Variants in RAPGEF4 observed in about 807,000 individuals in gnomAD.
The protein encoded by RAPGEF4 is Rap guanine nucleotide exchange factor 4.
Under a neutral mutation model 147.9 loss-of-function variants are expected in RAPGEF4, and 66 were observed. That is an observed-to-expected ratio of 0.45 (90% CI 0.37 to 0.55). The LOEUF (loss-of-function observed/expected upper bound fraction) is 0.55, where lower values mean the gene tolerates loss of function less well. Among genes scored for constraint, RAPGEF4 ranks in the 20% least tolerant of loss-of-function variants. RAPGEF4 has a pLI of 0.00. For synonymous variants in RAPGEF4, 419 were observed against 442.7 expected, an observed-to-expected ratio of 0.95 and a Z score of 0.67; for missense variants, 1,071 against 1,257.3, an observed-to-expected ratio of 0.85 and a Z score of 2.24.
At chr2:172,779,268 G>A (rs777968219) in intron 1 of RAPGEF4, among the ~76,000 whole-genome samples, 11 of 152,126 alleles carry the variant, frequency 7.2e-5, no homozygotes, top group African/African-American at 1.4e-4. Context: ...AAGCTGTTAC[G>A]TGCTTGGAAT....
chr2:172,919,877 C>T (rs555331050), intron 5 of RAPGEF4, among the ~76,000 whole-genome samples: 40 of 152,216 alleles, frequency 2.6e-4, no homozygotes, highest in Non-Finnish European at 5.0e-4. Flanking sequence ...CCTCCTTTCT[C>T]TCGCCATCAC....
intron 4 of RAPGEF4, among the ~76,000 whole-genome samples, chr2:172,874,882 A>G (rs964900226): frequency 2.6e-5 from 4 of 152,160 alleles, no homozygotes; most frequent in African/African-American, 7.2e-5. Flanking sequence ...AAGTGTTCCT[A>G]TTTCTCCACA....
chr2:172,982,990 G>T (rs1240485447), intron 10 of RAPGEF4, among the ~76,000 whole-genome samples: 17 of 152,064 alleles, frequency 1.1e-4, no homozygotes. Context: ...TCCTATATTT[G>T]AGTCCTTCGG....
Position 173,017,421 on chromosome 2 carries a change from T to C in RAPGEF4, c.1930-5T>C, listed in dbSNP as rs1559187989. On this transcript the variant is annotated splice_region_variant and splice_polypyrimidine_tract_variant and intron_variant, in intron 20 of 30. Transcript: ENST00000397081. ...TTATGGCACTTGCTGTGGTTGTTTTTACAGCACAAGGTTCTTTTGCAACAG... is the reference window on the plus strand; with the variant it reads ...TTATGGCACTTGCTGTGGTTGTTTTCACAGCACAAGGTTCTTTTGCAACAG... 6.2e-7 allele frequency: 1 copy of C among 1,613,866 alleles called. No homozygotes were observed.
At chr2:172,739,199 G>A (rs533832810) in intron 1 of RAPGEF4, among the ~76,000 whole-genome samples, 11 of 152,188 alleles carry the variant, frequency 7.2e-5, no homozygotes, top group African/African-American at 2.6e-4. Flanking sequence ...CTCAGCAGAT[G>A]TATTGTTAGA....
intron 14 of RAPGEF4, among the ~76,000 whole-genome samples, chr2:172,989,828 T>A (rs1692647218): frequency 6.6e-6 from 1 of 152,164 alleles, no homozygotes; most frequent in African/African-American, 2.4e-5. Context: ...TTAGCATCCC[T>A]ATCCCCTCCT....
intron 4 of RAPGEF4, among the ~76,000 whole-genome samples, chr2:172,897,306 G>A (rs1048056727): frequency 6.6e-6 from 1 of 152,066 alleles, no homozygotes; most frequent in African/African-American, 2.4e-5. Flanking sequence ...ATCCCAGTTA[G>A]TACTCTCCTG....
chr2:172,961,092 C>T (rs754970747), intron 7 of RAPGEF4, 30 bp from the exon 8 acceptor site: 21 of 1,455,458 alleles, frequency 1.4e-5, no homozygotes, highest in Non-Finnish European at 2.0e-5. Context: ...CTTCTTTCTC[C>T]TCCCCTCCTT....
In RAPGEF4 at chr2:173,030,181, A is replaced by G; in HGVS notation, c.2576A>G (p.Asn859Ser). The change falls in exon 26 of 31, where the codon AAT becomes AGT. Residue 859 changes from asparagine to serine, a missense_variant. By Grantham distance (46) the Asn-to-Ser change is conservative. Transcript: ENST00000397081. ...TGTTTCAGCTGTAAGGAGTATAAAAATCTGAATTCCTTTTTTGCCATCGTC... is the reference window on the plus strand; with the variant it reads ...TGTTTCAGCTGTAAGGAGTATAAAAGTCTGAATTCCTTTTTTGCCATCGTC... The part of the protein sequence containing the change: ...KIAAHCKEYK[N>S]LNSFFAIVMG... 6.2e-7 allele frequency: 1 copy of G among 1,612,862 alleles called. No individual in the cohort carries two copies. Among genetic ancestry groups the G allele is most frequent in the African/African-American group, 1.3e-5 (1 of 75,042 alleles).
At chr2:172,884,588 G>A in intron 4 of RAPGEF4, among the ~76,000 whole-genome samples, 1 of 152,154 alleles carries the variant, frequency 6.6e-6, no homozygotes, top group East Asian at 1.9e-4. Context: ...TTGTATTAAT[G>A]CCACACCTGT....
At chr2:172,925,777 AAGAG>A (rs67773579) in intron 6 of RAPGEF4, among the ~76,000 whole-genome samples, 42,391 of 133,478 alleles carry the variant, frequency 0.32, 7,166 homozygotes, top group Middle Eastern at 0.42. Flanking sequence ...GAAAGAAAGA[AAGAG>A]AGAGAGAGAG....
intron 15 of RAPGEF4, 52 bp from the exon 16 acceptor site, chr2:172,996,414 T>A (rs1693368400): frequency 2.7e-6 from 3 of 1,124,664 alleles, no homozygotes; most frequent in Non-Finnish European, 2.5e-6. Context: ...AAAGTTTTTT[T>A]AATGATTTGC....
At chr2:172,789,276 C>T (rs1232200734) in intron 1 of RAPGEF4, among the ~76,000 whole-genome samples, 3 of 152,196 alleles carry the variant, frequency 2.0e-5, no homozygotes, top group Admixed American at 6.5e-5. Context: ...TGCCATACAG[C>T]ATAACATAAT....
rs368162740 is a variant in RAPGEF4, at chr2:172,826,177, A to C, written c.444+11752A>C. Among the ~76,000 whole-genome samples, 70 of 152,310 alleles carry C rather than the reference A, an allele frequency of 4.6e-4. No homozygotes were observed. In the South Asian group the frequency reaches 0.015, roughly 32 times the overall value. ...TTGCCTCCATGCCATGCCCTCCCAC[A>C]AACATGCTTTAAGCTTTGGTCTGAG... On this transcript the variant is annotated intron_variant, in intron 4 of 30. Transcript: ENST00000397081.
intron 4 of RAPGEF4, among the ~76,000 whole-genome samples, chr2:172,846,181 A>G (rs542046015): frequency 2.6e-5 from 4 of 152,348 alleles, no homozygotes; most frequent in East Asian, 1.9e-4. Context: ...AACCACTGTC[A>G]TAATCTAGTT....
intron 1 of RAPGEF4, among the ~76,000 whole-genome samples, chr2:172,783,033 A>G (rs1684824749): frequency 6.6e-6 from 1 of 152,222 alleles, no homozygotes; most frequent in Non-Finnish European, 1.5e-5. Context: ...TAATTGTAAC[A>G]AGACAAATTG....
chr2:172,801,520 C>T (rs368715174), intron 3 of RAPGEF4, among the ~76,000 whole-genome samples: 6 of 152,064 alleles, frequency 3.9e-5, no homozygotes, highest in South Asian at 2.1e-4. Flanking sequence ...TGGCAATGGG[C>T]GCCTATGACA....
At chr2:172,785,017 GT>G (rs1280027154) in intron 1 of RAPGEF4, among the ~76,000 whole-genome samples, 1 of 152,148 alleles carries the variant, frequency 6.6e-6, no homozygotes, top group African/African-American at 2.4e-5. Context: ...TAGAGATGGG[GT>G]TTTGCCATGT....
intron 4 of RAPGEF4, among the ~76,000 whole-genome samples, chr2:172,842,135 A>T (rs1691681825): frequency 6.6e-6 from 1 of 152,166 alleles, no homozygotes; most frequent in Admixed American, 6.5e-5. Flanking sequence ...TCTTAAGAAG[A>T]CACAGCATGG....
Sources: gnomAD v4.1 joint callset for allele counts (sites outside exome capture counted in the v4.1 genomes callset) on GRCh38, gnomAD v4.1.1 for gene constraint, MANE v1.5 for transcripts, NCBI Gene and HGNC (gene_info 2026-07-23, HGNC 2026-07-21) for gene names.